NFATC2: variants seen among roughly 807,000 people sequenced by gnomAD.
The protein encoded by NFATC2 is nuclear factor of activated T cells 2, also known as nuclear factor of activated T-cells, cytoplasmic 2.
NFATC2 carries 22 observed loss-of-function variants against 87.3 expected under a neutral mutation model. The ratio of observed to expected loss-of-function variants is 0.25; its 90% CI spans 0.18 to 0.36. NFATC2 has a LOEUF of 0.36. Ranked by LOEUF, NFATC2 falls within the 10% of genes least tolerant of loss-of-function variation. The probability of loss-of-function intolerance (pLI) is 1.00; values close to 1 mark genes in which losing one functional copy is unlikely to be tolerated. For missense variants in NFATC2, 1,149 were observed against 1,259.1 expected, an observed-to-expected ratio of 0.91 and a Z score of 1.32; for synonymous variants, 565 against 542.2, an observed-to-expected ratio of 1.04 and a Z score of -0.58.
chr20:51,557,307 C>T (rs2076986941), intron 1 of NFATC2, among the ~76,000 whole-genome samples: 1 of 152,096 alleles, frequency 6.6e-6, no homozygotes, highest in Non-Finnish European at 1.5e-5. Context: ...CAGGGAGCAA[C>T]AGGGGTGTGG....
intron 9 of NFATC2, among the ~76,000 whole-genome samples, chr20:51,420,965 G>A (rs1356232665): frequency 1.3e-5 from 2 of 151,962 alleles, no homozygotes; most frequent in East Asian, 1.9e-4. Flanking sequence ...GGAGGCTGAG[G>A]CAGGAAGATT....
chr20:51,496,779 G>T (rs2075995415), intron 3 of NFATC2, among the ~76,000 whole-genome samples: 1 of 152,108 alleles, frequency 6.6e-6, no homozygotes, highest in African/African-American at 2.4e-5. Context: ...GCTATTCTTT[G>T]TTCAACCAAT....
chr20:51,450,443 A>G (rs1985628603), intron 6 of NFATC2, among the ~76,000 whole-genome samples: 1 of 152,186 alleles, frequency 6.6e-6, no homozygotes. Flanking sequence ...GGAGTTCACT[A>G]TGTTGAACTC....
chr20:51,496,058 G>A (rs1021641050), intron 3 of NFATC2, among the ~76,000 whole-genome samples: 2 of 152,162 alleles, frequency 1.3e-5, no homozygotes, highest in African/African-American at 4.8e-5. Flanking sequence ...CCCCCACCCA[G>A]GGTCACCAAC....
chr20:51,401,272 A>G (rs1003476343), intron 9 of NFATC2, among the ~76,000 whole-genome samples: 5 of 152,024 alleles, frequency 3.3e-5, no homozygotes, highest in Admixed American at 6.6e-5. Flanking sequence ...TGGGAGGCGG[A>G]GGTTGCAGTG....
chr20:51,395,162 A>G (rs1381913027), intron 10 of NFATC2, among the ~76,000 whole-genome samples: 1 of 152,164 alleles, frequency 6.6e-6, no homozygotes, highest in Non-Finnish European at 1.5e-5. Context: ...GCCAGGCCCT[A>G]TACAGTGCCA....
At chr20:51,397,754 T>C (rs914727452) in intron 10 of NFATC2, among the ~76,000 whole-genome samples, 1 of 152,192 alleles carries the variant, frequency 6.6e-6, no homozygotes, top group Admixed American at 6.5e-5. Flanking sequence ...CCCCATCCTC[T>C]GGCAATCATG....
At chr20:51,555,611 C>T (rs974759432) in intron 1 of NFATC2, among the ~76,000 whole-genome samples, 3 of 151,856 alleles carry the variant, frequency 2.0e-5, no homozygotes, top group African/African-American at 7.3e-5. Flanking sequence ...AAAAAAGATC[C>T]TATGTGATCC....
At chr20:51,468,682 C>T (rs1244011259) in intron 5 of NFATC2, among the ~76,000 whole-genome samples, 1 of 152,242 alleles carries the variant, frequency 6.6e-6, no homozygotes, top group Non-Finnish European at 1.5e-5. Flanking sequence ...GAAATACAGC[C>T]TGGAGACCGT....
chr20:51,398,952 T>C (rs1007738301), intron 9 of NFATC2: 6 of 507,194 alleles, frequency 1.2e-5, no homozygotes, highest in African/African-American at 7.6e-5. Context: ...GCAAAGTGCA[T>C]TACATTATGT....
At chr20:51,404,108 T>A (rs1600666484) in intron 9 of NFATC2, among the ~76,000 whole-genome samples, 1 of 151,704 alleles carries the variant, frequency 6.6e-6, no homozygotes, top group Non-Finnish European at 1.5e-5. Flanking sequence ...TAGGAGGCCC[T>A]CTTTTTCCTC....
chr20:51,462,337 T>C (rs1271278556), intron 5 of NFATC2, among the ~76,000 whole-genome samples: 2 of 151,398 alleles, frequency 1.3e-5, no homozygotes, highest in African/African-American at 2.4e-5. Context: ...TCCCAGCTAC[T>C]TGGGAGGCTG....
At chr20:51,516,022 T>C (rs2076345627) in intron 3 of NFATC2, among the ~76,000 whole-genome samples, 1 of 152,170 alleles carries the variant, frequency 6.6e-6, no homozygotes, top group South Asian at 2.1e-4. Flanking sequence ...TCTAGTTAAT[T>C]GACTTGTTAG....
chr20:51,444,193 G>C (rs1413178859), intron 6 of NFATC2, among the ~76,000 whole-genome samples: 1 of 151,964 alleles, frequency 6.6e-6, no homozygotes, highest in Non-Finnish European at 1.5e-5. Context: ...TGTTGGCCAG[G>C]CTGGTCTTGA....
At chr20:51,535,890 C>G (rs1422208610) in intron 1 of NFATC2, among the ~76,000 whole-genome samples, 1 of 152,132 alleles carries the variant, frequency 6.6e-6, no homozygotes, top group Non-Finnish European at 1.5e-5. Context: ...TTTCCAAAAC[C>G]TCAGATTACA....
chr20:51,464,068 G>A lies in NFATC2; in HGVS notation c.1709-9380C>T, dbSNP rs117212963. On this transcript the variant is annotated intron_variant, in intron 5 of 10. Transcript: ENST00000371564. ...TATTGGGGTTCCTTCCCAGCAGCAG[G>A]GTATGTTGCAGGCTGTCTGCTCGAC... Among the ~76,000 whole-genome samples, 1,481 of 152,286 alleles carry A rather than the reference G, an allele frequency of 9.7e-3. 54 individuals are homozygous for A. In the East Asian group the frequency reaches 0.13, roughly 13 times the overall value.
chr20:51,533,191 CA>C (rs1479481587), intron 1 of NFATC2, among the ~76,000 whole-genome samples: 3 of 152,102 alleles, frequency 2.0e-5, no homozygotes, highest in Admixed American at 2.0e-4. Flanking sequence ...TCCTGCCCAT[CA>C]GGGGCCACAA....
intron 8 of NFATC2, 44 bp downstream of exon 8, chr20:51,435,144 T>TA (rs766254511): frequency 1.9e-5 from 30 of 1,610,202 alleles, no homozygotes; most frequent in African/African-American, 2.7e-5. Flanking sequence ...CCTGTGCCTG[T>TA]ACTGCCTCTC....
chr20:51,544,194 A>G (rs1409167998), upstream of NFATC2, among the ~76,000 whole-genome samples: 2 of 151,670 alleles, frequency 1.3e-5, no homozygotes, highest in Non-Finnish European at 2.9e-5. Context: ...TCACTGTGTT[A>G]GCCAGGAAGG....
Sources: gnomAD v4.1 joint callset for allele counts (sites outside exome capture counted in the v4.1 genomes callset) on GRCh38, gnomAD v4.1.1 for gene constraint, MANE v1.5 for transcripts, NCBI Gene and HGNC (gene_info 2026-07-23, HGNC 2026-07-21) for gene names.